The following DPYSL5 variants were observed in gnomAD, a reference collection of about 807,000 sequenced individuals.
DPYSL5 encodes the protein dihydropyrimidinase-related protein 5.
A neutral mutation model predicts 58.4 loss-of-function variants in DPYSL5; 9 were observed. The observed-to-expected ratio is 0.15, with a 90% CI of 0.09 to 0.27. The LOEUF (loss-of-function observed/expected upper bound fraction) is 0.27. Among genes scored for constraint, DPYSL5 ranks in the 10% least tolerant of loss-of-function variants. The pLI is 1.00. For missense variants in DPYSL5, 499 were observed against 770.6 expected (o/e 0.65, Z 4.17); for synonymous variants, 293 against 301.9 (o/e 0.97, Z 0.31).
intron 1 of DPYSL5, among the ~76,000 whole-genome samples, chr2:26,861,499 A>G (rs1321620590): frequency 6.6e-6 from 1 of 152,160 alleles, no homozygotes. Flanking sequence ...AACTTTAGAG[A>G]ACGTTTAGTC....
chr2:26,860,219 A>G (rs1665976892), intron 1 of DPYSL5, among the ~76,000 whole-genome samples: 1 of 152,204 alleles, frequency 6.6e-6, no homozygotes, highest in East Asian at 1.9e-4. Context: ...TGACATATAA[A>G]TGTATATAAA....
chr2:26,928,898 GA>G (rs1365717833), intron 5 of DPYSL5, among the ~76,000 whole-genome samples: 1 of 151,488 alleles, frequency 6.6e-6, no homozygotes. Flanking sequence ...ACAAAAGACA[GA>G]CTGAAAAGGC....
rs1036380520 is a variant in DPYSL5 at position 26,849,319 on chromosome 2, G to A, written c.-5+1065G>A. On this transcript the variant is annotated intron_variant, in intron 1 of 12. Transcript: ENST00000288699. This position sits in a 1 kb window ranked among gnomAD's most constrained non-coding sequence, Gnocchi z 6.2. ...GACCCGCGCTGTGCGGGGGAGGGGG[G>A]CCTCCTGGGAAGGGGAGCCTCCCGA... Among the ~76,000 whole-genome samples the A allele has an allele frequency of 6.6e-6, 1 of 151,778 alleles. No individual in the cohort carries two copies. Among genetic ancestry groups the A allele is most frequent in the Admixed American group, 6.5e-5 (1 of 15,270 alleles).
intron 1 of DPYSL5, among the ~76,000 whole-genome samples, chr2:26,858,034 C>T (rs72850588): frequency 0.016 from 2,412 of 152,298 alleles, 69 homozygotes; most frequent in African/African-American, 0.055. Flanking sequence ...GTCATGAACT[C>T]CTAACTTGGC....
In DPYSL5 at chr2:26,905,039, C is replaced by T. The variant is rs536324786; in HGVS notation, c.261+6279C>T. On this transcript the variant is annotated intron_variant, in intron 2 of 12. Coordinates refer to ENST00000288699, the MANE Select transcript of DPYSL5 (RefSeq NM_020134.4). This position sits in a 1 kb window ranked among gnomAD's most constrained non-coding sequence, Gnocchi z 4.0. ...CTGAGACCTCGGGACTGAACAATCA[C>T]CCCTTTCAGCCTGTGGCCTCTTGGT... Among the ~76,000 whole-genome samples the T allele has an allele frequency of 2.6e-5, 4 of 152,218 alleles. No individual in the cohort carries two copies. The East Asian group carries it at 5.8e-4, about 22-fold the overall frequency.
chr2:26,914,088 T>G (rs1378023632), intron 2 of DPYSL5, among the ~76,000 whole-genome samples: 2 of 152,162 alleles, frequency 1.3e-5, no homozygotes, highest in Non-Finnish European at 2.9e-5. Context: ...CGAGTTACTA[T>G]TTCAGCAGCA....
intron 8 of DPYSL5, among the ~76,000 whole-genome samples, chr2:26,936,355 T>G (rs1326172987): frequency 6.6e-6 from 1 of 152,202 alleles, no homozygotes; most frequent in Non-Finnish European, 1.5e-5. Context: ...CTTTCAGTTC[T>G]GGTTGCCAAC....
chr2:26,903,794 G>A (rs1246953613), intron 2 of DPYSL5, among the ~76,000 whole-genome samples: 1 of 152,192 alleles, frequency 6.6e-6, no homozygotes, highest in Non-Finnish European at 1.5e-5. Context: ...CCAGCCCGGG[G>A]CCCAGAGCTT....
chr2:26,907,460 C>T (rs1664325028), intron 2 of DPYSL5, among the ~76,000 whole-genome samples: 1 of 152,164 alleles, frequency 6.6e-6, no homozygotes, highest in African/African-American at 2.4e-5. Context: ...CCCCCTTCAT[C>T]TCACGGCTCT....
Position 26,898,619 on chromosome 2 carries a change from C to G in DPYSL5, c.120C>G (p.Arg40=), listed in dbSNP as rs146844771. The part of the protein sequence containing the change: ...IENGIIQQVG[R]ELMIPGGAKV... ...ATGGCATCATCCAGCAGGTGGGCCG[C>G]GAGCTCATGATCCCTGGCGGGGCCA... The change falls in exon 2 of 13, where the codon CGC becomes CGG. Residue 40 remains arginine, a synonymous_variant. Transcript: ENST00000288699. The surrounding 1 kb of genome is among the most constrained non-coding windows in gnomAD (Gnocchi z 6.1). The G allele has an allele frequency of 1.2e-6, 2 of 1,614,150 alleles. No individual in the cohort carries two copies. The highest frequency in any genetic ancestry group is 3.3e-5 in the Admixed American group (2 of 60,028).
intron 2 of DPYSL5, among the ~76,000 whole-genome samples, chr2:26,915,639 C>A (rs1664544571): frequency 6.6e-6 from 1 of 152,204 alleles, no homozygotes; most frequent in African/African-American, 2.4e-5. Context: ...AGCCCTGTTA[C>A]TGCCTCTCTG....
Position 26,942,820 on chromosome 2 carries a change from T to C in DPYSL5, c.1440+70T>C. 6.5e-7 allele frequency: 1 copy of C among 1,543,558 alleles called. No individual in the cohort carries two copies. The highest frequency in any genetic ancestry group is 8.9e-7 in the Non-Finnish European group (1 of 1,124,808). On this transcript the variant is annotated intron_variant, in intron 11 of 12. Coordinates refer to ENST00000288699, the MANE Select transcript of DPYSL5 (RefSeq NM_020134.4). The surrounding 1 kb of genome is among the most constrained non-coding windows in gnomAD (Gnocchi z 5.9). The stretch of plus-strand genomic sequence containing the variant: ...CGGGGAACATCCTCCATGACTGTTT[T>C]AAATCTCAAAGAGATGTTCACTCCA...
intron 2 of DPYSL5, among the ~76,000 whole-genome samples, chr2:26,919,804 T>G (rs1664659766): frequency 6.6e-6 from 1 of 152,076 alleles, no homozygotes; most frequent in Non-Finnish European, 1.5e-5. Flanking sequence ...TAGAATGAGG[T>G]CTCTGCTCAT....
At chr2:26,916,951 C>T (rs935179888) in intron 2 of DPYSL5, among the ~76,000 whole-genome samples, 1 of 152,238 alleles carries the variant, frequency 6.6e-6, no homozygotes, top group Admixed American at 6.5e-5. Context: ...GTGCTACCTA[C>T]AAATTATGCT....
chr2:26,928,704 T>TATATACAC, intron 5 of DPYSL5, among the ~76,000 whole-genome samples: 56 of 62,990 alleles, frequency 8.9e-4, no homozygotes, highest in African/African-American at 3.4e-3. Flanking sequence ...TATATATATA[T>TATATACAC]ACACACACAC....
chr2:26,867,661 T>C (rs1173794681), intron 1 of DPYSL5, among the ~76,000 whole-genome samples: 1 of 151,974 alleles, frequency 6.6e-6, no homozygotes, highest in Non-Finnish European at 1.5e-5. Context: ...TTCACCGTTT[T>C]AGCCGGGATG....
At chr2:26,936,688 G>A (rs546262417) in intron 8 of DPYSL5, among the ~76,000 whole-genome samples, 4 of 152,130 alleles carry the variant, frequency 2.6e-5, no homozygotes, top group East Asian at 1.9e-4. Flanking sequence ...ATGGTGGCTC[G>A]CACCTGTAAT....
At chr2:26,880,324 C>A (rs892473641) in intron 1 of DPYSL5, among the ~76,000 whole-genome samples, 1 of 152,238 alleles carries the variant, frequency 6.6e-6, no homozygotes, top group Non-Finnish European at 1.5e-5. Flanking sequence ...ACCCACTGCA[C>A]CCCCATGCCT....
intron 6 of DPYSL5, among the ~76,000 whole-genome samples, chr2:26,932,161 A>AAGAC (rs1333858880): frequency 8.1e-5 from 5 of 62,014 alleles, no homozygotes; most frequent in African/African-American, 2.3e-4. Flanking sequence ...GAAAGAAAGA[A>AAGAC]AGAAAGAAAG....
Sources: allele counts gnomAD v4.1 joint callset (sites outside exome capture counted in the v4.1 genomes callset), GRCh38; gene constraint gnomAD v4.1.1; non-coding constraint Gnocchi (gnomAD v3.1); transcripts MANE v1.5; gene names NCBI Gene and HGNC (gene_info 2026-07-23, HGNC 2026-07-21).